The following SCAF4 variants were observed in gnomAD, a reference collection of about 807,000 sequenced individuals.
SCAF4 encodes SR-related CTD associated factor 4, also known as SR-related and CTD-associated factor 4.
In SCAF4, 25 loss-of-function variants were observed where a neutral mutation model predicts 129.8. That is an observed-to-expected ratio of 0.19 (90% confidence interval 0.14 to 0.27). The LOEUF is 0.27. Ranked by LOEUF, SCAF4 falls within the 10% of genes least tolerant of loss-of-function variation. SCAF4 has a pLI of 1.00. For synonymous variants in SCAF4, 551 were observed against 497.7 expected, an observed-to-expected ratio of 1.11 and a Z score of -1.43; for missense variants, 1,246 against 1,457.1, an observed-to-expected ratio of 0.86 and a Z score of 2.36.
chr21:31,671,143 T>A lies in SCAF4; in HGVS notation c.*256A>T. The A allele has an allele frequency of 2.7e-6, 1 of 369,620 alleles. No homozygotes were observed. Among genetic ancestry groups the A allele is most frequent in the Non-Finnish European group, 4.8e-6 (1 of 209,008 alleles). The allele number at this position is 369,620 out of a possible 1,614,324, so 22.9% of individuals were successfully genotyped here. On this transcript the variant is annotated 3_prime_UTR_variant, in exon 20 of 20. Transcript: ENST00000286835. ...AAAAAAAATAGAGAGCACTTCTAAT[T>A]ACGATTTGTAAACTTTTTAAAGTCA...
At chr21:31,726,343 C>T (rs1187757599) in intron 1 of SCAF4, among the ~76,000 whole-genome samples, 2 of 152,182 alleles carry the variant, frequency 1.3e-5, no homozygotes, top group Admixed American at 6.5e-5. Flanking sequence ...CCACGCCTGG[C>T]GGTGGCCCTT....
intron 19 of SCAF4, among the ~76,000 whole-genome samples, chr21:31,683,748 T>C (rs1410360808): frequency 6.6e-6 from 1 of 152,014 alleles, no homozygotes; most frequent in Non-Finnish European, 1.5e-5. Context: ...GCAAAGATGT[T>C]CCCTGGTTCC....
Position 31,678,884 on chromosome 21 carries a change from A to G in SCAF4, c.2488+6165T>C, listed in dbSNP as rs899789629. ...AAATTATTAGCCCAGGTCTGCGAAA[A>G]TATAAACTCCAGAAAGACAGGTTTT... On this transcript the variant is annotated intron_variant, in intron 19 of 19. Coordinates refer to ENST00000286835, the MANE Select transcript of SCAF4 (RefSeq NM_020706.2). Among the ~76,000 whole-genome samples the G allele has an allele frequency of 3.3e-5, 5 of 152,314 alleles. No individual in the cohort carries two copies. The South Asian group carries it at 1.0e-3, about 32-fold the overall frequency.
At chr21:31,715,290 C>T (rs2050897693) in intron 1 of SCAF4, among the ~76,000 whole-genome samples, 1 of 151,940 alleles carries the variant, frequency 6.6e-6, no homozygotes, top group Admixed American at 6.6e-5. Flanking sequence ...TCTTTGACTC[C>T]TACCTCTCTA....
At chr21:31,684,658 T>C (rs1040399637) in intron 19 of SCAF4, 3 of 188,236 alleles carry the variant, frequency 1.6e-5, no homozygotes, top group South Asian at 1.0e-4. Context: ...GAAAAACCTA[T>C]GCCGTTAAAG....
At chr21:31,697,376 A>T (rs557487412) in intron 7 of SCAF4, among the ~76,000 whole-genome samples, 1 of 152,328 alleles carries the variant, frequency 6.6e-6, no homozygotes, top group East Asian at 1.9e-4. Flanking sequence ...AATTTTAAGT[A>T]AGATTTATTC....
At chr21:31,694,347 A>C (rs1200545744) in intron 10 of SCAF4, 58 bp from the exon 11 acceptor site, 3 of 1,033,442 alleles carry the variant, frequency 2.9e-6, no homozygotes. Context: ...AAGCAAGAGG[A>C]CAAAATCTAA....
At chr21:31,677,398 C>T (rs1190833645) in intron 19 of SCAF4, among the ~76,000 whole-genome samples, 1 of 152,172 alleles carries the variant, frequency 6.6e-6, no homozygotes, top group Admixed American at 6.5e-5. Context: ...CACCCTGCAT[C>T]TCCTTTCAGG....
At chr21:31,700,162 A>C (rs1246905302) in intron 7 of SCAF4, among the ~76,000 whole-genome samples, 2 of 149,280 alleles carry the variant, frequency 1.3e-5, no homozygotes, top group Non-Finnish European at 3.0e-5. Context: ...ATGGTAACTA[A>C]GGTTAAAATA....
chr21:31,686,081 T>C (rs748061829), intron 16 of SCAF4, among the ~76,000 whole-genome samples: 53 of 152,056 alleles, frequency 3.5e-4, no homozygotes, highest in Middle Eastern at 6.8e-3. Context: ...CAAGCACCTG[T>C]AATCCCAGCT....
intron 1 of SCAF4, among the ~76,000 whole-genome samples, chr21:31,714,675 G>A (rs1257506093): frequency 6.6e-6 from 1 of 152,114 alleles, no homozygotes; most frequent in Non-Finnish European, 1.5e-5. Context: ...AAGTAACATG[G>A]GTACTCTGCT....
rs761459493 is a variant in SCAF4 at position 31,671,551 on chromosome 21, T to C, written c.3292A>G (p.Ser1098Gly). Residue 1098 changes from serine to glycine, a missense_variant, in exon 20 of 20, where the codon AGC becomes GGC. Around this residue, in one of 6 missense-constraint regions of SCAF4, gnomAD observed 339 missense variants for 325.0 expected, o/e 1.04. Transcript: ENST00000286835. ...GCAGTGTCTACATTTCCCACTTGGCTAATGGGAGGTTCAACGGTTTTGTTA... is the reference window on the plus strand; with the variant it reads ...GCAGTGTCTACATTTCCCACTTGGCCAATGGGAGGTTCAACGGTTTTGTTA... ...GGNKTVEPPI[S>G]QVGNVDTASE... 8 of 1,613,770 alleles carry C rather than the reference T, an allele frequency of 5.0e-6. No homozygotes were observed. The highest frequency in any genetic ancestry group is 1.7e-6 in the Non-Finnish European group (2 of 1,179,738).
At chr21:31,690,521 G>T (rs891987898) in intron 15 of SCAF4, among the ~76,000 whole-genome samples, 3 of 152,236 alleles carry the variant, frequency 2.0e-5, no homozygotes, top group African/African-American at 7.2e-5. Context: ...AAGATGCTCA[G>T]TTAAGACCTA....
chr21:31,701,868 T>C lies in SCAF4; in HGVS notation c.508A>G (p.Thr170Ala). 8.7e-6 allele frequency: 14 copies of C among 1,613,808 alleles called. No individual in the cohort carries two copies. The highest frequency in any genetic ancestry group is 1.1e-5 in the South Asian group (1 of 91,058). ...GGTACAGCTGGGACGGAGTTTGGAG[T>C]GGCTTGTGTGGGAGGTTCAGAAGAA... ...KVSSEPPTQA[T>A]PNSVPAVPQL... Residue 170 changes from threonine (T) to alanine (A), a missense_variant, in exon 6 of 20, where the codon ACT (threonine) becomes GCT (alanine). This residue lies in a region of SCAF4 where 143 missense variants were observed against 161.0 expected (regional missense o/e 0.89). Transcript: ENST00000286835.
intron 19 of SCAF4, among the ~76,000 whole-genome samples, chr21:31,678,857 T>A (rs539647527): frequency 6.6e-6 from 1 of 152,350 alleles, no homozygotes; most frequent in South Asian, 2.1e-4. Context: ...ACTCTCCATG[T>A]TAAATTATTA....
chr21:31,707,689 T>A (rs2050700338), intron 1 of SCAF4, among the ~76,000 whole-genome samples: 1 of 152,172 alleles, frequency 6.6e-6, no homozygotes, highest in Admixed American at 6.5e-5. Flanking sequence ...ATATTCCAAA[T>A]ATGGAGCCCT....
chr21:31,694,975 T>C lies in SCAF4; in HGVS notation c.1074A>G (p.Pro358=). The part of the protein sequence containing the change: ...IQQDPMHHQV[P]LPPNGQMPGF... Reference sequence around the variant, plus strand: ...CTGGCATTTGTCCATTAGGAGGAAGTGGAACCTTTCATTTTTAAAGAAAGT... The same window carrying C: ...CTGGCATTTGTCCATTAGGAGGAAGCGGAACCTTTCATTTTTAAAGAAAGT... Residue 358 remains proline, a synonymous_variant, in exon 10 of 20, where the codon CCA becomes CCG. Transcript: ENST00000286835. The C allele has an allele frequency of 6.2e-7, 1 of 1,612,776 alleles. No homozygotes were observed. The highest frequency in any genetic ancestry group is 8.5e-7 in the Non-Finnish European group (1 of 1,179,324).
chr21:31,702,898 TCCAA>T (rs1227193954), intron 4 of SCAF4, among the ~76,000 whole-genome samples: 2 of 152,116 alleles, frequency 1.3e-5, no homozygotes, highest in East Asian at 3.8e-4. Flanking sequence ...AGAGCATTCT[TCCAA>T]GAATATAAAA....
intron 1 of SCAF4, among the ~76,000 whole-genome samples, chr21:31,729,245 T>A (rs1350298834): frequency 2.6e-5 from 4 of 152,188 alleles, no homozygotes; most frequent in Non-Finnish European, 2.9e-5. Context: ...GCCTTCAGAA[T>A]CAAAATACTC....
Sources: gnomAD v4.1 joint callset for allele counts (sites outside exome capture counted in the v4.1 genomes callset) on GRCh38, gnomAD v4.1.1 for gene constraint, gnomAD v4.1.1 regional missense constraint, MANE v1.5 for transcripts, NCBI Gene and HGNC (gene_info 2026-07-23, HGNC 2026-07-21) for gene names.